YAE1: variants seen among roughly 807,000 people sequenced by gnomAD.
The protein encoded by YAE1 is protein YAE1 homolog.
YAE1 carries 22 observed loss-of-function variants against 23.0 expected under a neutral mutation model. The ratio of observed to expected loss-of-function variants is 0.96; its 90% CI spans 0.68 to 1.37. YAE1 has a LOEUF of 1.37. Ranked by LOEUF, YAE1 falls within the 40% of genes most tolerant of loss-of-function variation. The probability of loss-of-function intolerance (pLI) is 0.00; values close to 1 mark genes in which losing one functional copy is unlikely to be tolerated. For synonymous variants in YAE1, 101 were observed against 97.0 expected (o/e 1.04, Z -0.24); for missense variants, 260 against 262.1 (o/e 0.99, Z 0.06).
intron 1 of YAE1, among the ~76,000 whole-genome samples, chr7:39,569,088 CA>C (rs1225593938): frequency 6.6e-6 from 1 of 152,086 alleles, no homozygotes; most frequent in Non-Finnish European, 1.5e-5. Context: ...TGTAAATTTT[CA>C]AAACTCAGAT....
intron 2 of YAE1, among the ~76,000 whole-genome samples, chr7:39,580,530 G>A (rs999755748): frequency 1.5e-5 from 2 of 130,538 alleles, no homozygotes; most frequent in African/African-American, 5.9e-5. Context: ...ACTCACCACT[G>A]AGAGAGGCCT....
At chr7:39,611,507 A>G, downstream of YAE1, among the ~76,000 whole-genome samples, 1 of 152,200 alleles carries the variant, frequency 6.6e-6, no homozygotes, top group East Asian at 1.9e-4. Flanking sequence ...GGAGCACTTT[A>G]CCTTTGTATC....
intron 2 of YAE1, among the ~76,000 whole-genome samples, chr7:39,588,977 C>G (rs1046562816): frequency 3.3e-5 from 5 of 152,002 alleles, no homozygotes; most frequent in South Asian, 4.2e-4. Context: ...CATGCATTAC[C>G]ACACCCGGAT....
At chr7:39,567,373 G>T (rs896886287) in intron 1 of YAE1, among the ~76,000 whole-genome samples, 4 of 152,336 alleles carry the variant, frequency 2.6e-5, no homozygotes, top group Admixed American at 2.6e-4. Context: ...CACCGTGAGA[G>T]ATGCAGAACG....
intron 2 of YAE1, among the ~76,000 whole-genome samples, chr7:39,582,023 G>C (rs1052730513): frequency 6.6e-6 from 1 of 152,030 alleles, no homozygotes; most frequent in Non-Finnish European, 1.5e-5. Flanking sequence ...AATCTCCTGG[G>C]CTCAAGCAAT....
intron 2 of YAE1, among the ~76,000 whole-genome samples, chr7:39,586,265 C>T (rs927884539): frequency 3.3e-5 from 5 of 151,194 alleles, no homozygotes; most frequent in African/African-American, 1.2e-4. Context: ...CTCCACCTCC[C>T]GGGTTCACGC....
At position 39,572,524 on chromosome 7, in the gene YAE1, T is replaced by C. The variant is rs774164750; in HGVS notation, c.499T>C (p.Phe167Leu). ...AAGACTCTGTGAAAATAATGCTGAG[T>C]TTAACAAAAACTGTAGCAAGAGCCA... ...DERLCENNAE[F>L]NKNCSKSHSG... The change falls in exon 3 of 3, where the codon TTT becomes CTT. Residue 167 changes from phenylalanine (F) to leucine (L), a missense_variant. Physicochemically the swap from Phe to Leu is conservative, Grantham distance 22. Transcript: ENST00000223273. 3 of 1,613,986 alleles carry C rather than the reference T, an allele frequency of 1.9e-6. No homozygotes were observed. Among genetic ancestry groups the C allele is most frequent in the Non-Finnish European group, 2.5e-6 (3 of 1,179,952 alleles).
downstream of YAE1, among the ~76,000 whole-genome samples, chr7:39,574,227 G>T (rs941176785): frequency 4.6e-5 from 7 of 152,170 alleles, no homozygotes; most frequent in African/African-American, 1.7e-4. Flanking sequence ...GATTTTTGTC[G>T]AAAATGAAAT....
intron 1 of YAE1, 78 bp from the exon 2 acceptor site, chr7:39,570,428 A>G (rs1790546856): frequency 6.5e-7 from 1 of 1,548,746 alleles, no homozygotes; most frequent in African/African-American, 1.4e-5. Context: ...TGCTTTCTAA[A>G]TTGGTTCTGT....
In YAE1 at chr7:39,601,829, G is replaced by A. The variant is rs573416095; in HGVS notation, c.252-7788G>A. Among the ~76,000 whole-genome samples the A allele has an allele frequency of 9.9e-5, 15 of 151,658 alleles. No individual in the cohort carries two copies. In the East Asian group the frequency reaches 1.9e-3, roughly 20 times the overall value. On this transcript the variant is annotated intron_variant, in intron 2 of 2. Transcript: ENST00000432096. ...CTTAATCCTTTTGTTGCATTGAATC[G>A]CATTTGAATTAAGCAGATGCTTGGG...
At chr7:39,596,495 C>T (rs959516172) in intron 2 of YAE1, among the ~76,000 whole-genome samples, 3 of 152,156 alleles carry the variant, frequency 2.0e-5, no homozygotes, top group African/African-American at 7.2e-5. Flanking sequence ...CCTCAGCCTC[C>T]CAAAGTGCTA....
intron 2 of YAE1, 103 bp downstream of exon 2, chr7:39,570,730 TA>T: frequency 7.2e-7 from 1 of 1,393,524 alleles, no homozygotes; most frequent in East Asian, 2.5e-5. Context: ...TTCCTGGTGC[TA>T]AATACACTAA....
Position 39,586,061 on chromosome 7 carries a change from C to T in YAE1, c.251+15434C>T, listed in dbSNP as rs566221795. On this transcript the variant is annotated intron_variant, in intron 2 of 2. Transcript: ENST00000432096. ...GCTGCTGTAAGCCGCGATCGCACCA[C>T]CGCACTCCAGCCTGGGTGACAGAGC... Among the ~76,000 whole-genome samples the T allele has an allele frequency of 4.1e-4, 62 of 152,286 alleles. 5 individuals carry two copies. The South Asian group carries it at 0.011, about 28-fold the overall frequency.
intron 2 of YAE1, among the ~76,000 whole-genome samples, chr7:39,599,561 G>T (rs1791025912): frequency 6.6e-6 from 1 of 151,942 alleles, no homozygotes; most frequent in South Asian, 2.1e-4. Context: ...TTTTAGTAGA[G>T]ACGGGTTGCT....
intron 2 of YAE1, among the ~76,000 whole-genome samples, chr7:39,583,607 C>T (rs1472140414): frequency 2.6e-5 from 4 of 152,170 alleles, no homozygotes; most frequent in African/African-American, 9.7e-5. Context: ...TAACTTTGGC[C>T]TTCTTTGCCA....
chr7:39,572,834 A>G lies in YAE1; in HGVS notation c.*128A>G, dbSNP rs1790595435. The G allele has an allele frequency of 2.2e-6, 3 of 1,391,602 alleles. No homozygotes were observed. Among genetic ancestry groups the G allele is most frequent in the Admixed American group, 3.3e-5 (1 of 30,020 alleles). 86.2% of individuals were successfully genotyped at this position (1,391,602 alleles called of 1,614,324 possible). On this transcript the variant is annotated 3_prime_UTR_variant, in exon 3 of 3. Transcript: ENST00000223273. ...TACCCTTTATGGAAGTTTGAAATTA[A>G]CACTATTGTCTTCAAAATTAACACT...
At chr7:39,611,524 TA>T (rs1162439970), downstream of YAE1, among the ~76,000 whole-genome samples, 1 of 152,198 alleles carries the variant, frequency 6.6e-6, no homozygotes, top group Admixed American at 6.5e-5. Flanking sequence ...TATCAGTTAC[TA>T]AAAACAAAAT....
chr7:39,602,309 T>G (rs1238910865), intron 2 of YAE1, among the ~76,000 whole-genome samples: 1 of 152,220 alleles, frequency 6.6e-6, no homozygotes, highest in African/African-American at 2.4e-5. Context: ...ATGCAGCCGA[T>G]AGACTGCTGA....
At chr7:39,601,741 A>G (rs1247594848) in intron 2 of YAE1, among the ~76,000 whole-genome samples, 7 of 141,556 alleles carry the variant, frequency 4.9e-5, no homozygotes, top group Non-Finnish European at 1.1e-4. Context: ...CCTGGATGAC[A>G]GAGCCAGACT....
Sources: gnomAD v4.1 joint callset for allele counts (sites outside exome capture counted in the v4.1 genomes callset) on GRCh38, gnomAD v4.1.1 for gene constraint, MANE v1.5 for transcripts, NCBI Gene and HGNC (gene_info 2026-07-23, HGNC 2026-07-21) for gene names.